The following OPRM1 variants were observed in gnomAD, a reference collection of about 807,000 sequenced individuals.
OPRM1 encodes the protein mu-type opioid receptor.
A neutral mutation model predicts 31.8 loss-of-function variants in OPRM1; 27 were observed. That is an observed-to-expected ratio of 0.85 (90% confidence interval 0.63 to 1.17). The LOEUF is 1.17. Among genes scored for constraint, OPRM1 ranks in the 50% most tolerant of loss-of-function variants. The pLI is 0.00. For synonymous variants in OPRM1, 196 were observed against 189.9 expected (o/e 1.03, Z -0.26); for missense variants, 536 against 511.1 (o/e 1.05, Z -0.47).
rs779654564 is a variant in OPRM1 at position 154,085,888 on chromosome 6, CT to C, written c.291-3921del. ...CATCAGAACAGAATGAAAGCTTGCC[CT>C]TTTTTTTTTTTTTTTTGAGACAGTG... On this transcript the variant is annotated intron_variant, in intron 1 of 3. Coordinates refer to ENST00000330432, the MANE Select transcript of OPRM1 (RefSeq NM_000914.5). 2.8e-3 allele frequency among the ~76,000 whole-genome samples: 341 copies of C among 123,900 alleles called. 1 individual carries two copies. The highest frequency in any genetic ancestry group is 9.7e-3 in the South Asian group (39 of 4,020). 81.3% of individuals were successfully genotyped at this position (123,900 alleles called of 152,430 possible).
At chr6:154,081,499 C>A (rs914518329) in intron 1 of OPRM1, among the ~76,000 whole-genome samples, 1 of 151,662 alleles carries the variant, frequency 6.6e-6, no homozygotes, top group African/African-American at 2.4e-5. Context: ...GAGTGAGACT[C>A]CATCTCTAAA....
intron 3 of OPRM1, among the ~76,000 whole-genome samples, chr6:154,215,443 A>T (rs1355436199): frequency 1.3e-5 from 2 of 151,952 alleles, no homozygotes; most frequent in African/African-American, 4.8e-5. Flanking sequence ...GTCACTACTT[A>T]AAAAAATACA....
At chr6:154,245,835 A>G (rs1367788562) in intron 3 of OPRM1, among the ~76,000 whole-genome samples, 4 of 152,188 alleles carry the variant, frequency 2.6e-5, no homozygotes, top group Non-Finnish European at 5.9e-5. Flanking sequence ...CAACATCGTC[A>G]TTTTCAACAT....
At chr6:154,022,412 G>A (rs1778430738) in intron 1 of OPRM1, among the ~76,000 whole-genome samples, 1 of 123,046 alleles carries the variant, frequency 8.1e-6, no homozygotes, top group Non-Finnish European at 1.6e-5. Flanking sequence ...CCAGAGCAGG[G>A]GCCTGGCCTG....
At chr6:154,176,187 C>T (rs976311114) in intron 3 of OPRM1, among the ~76,000 whole-genome samples, 1 of 152,116 alleles carries the variant, frequency 6.6e-6, no homozygotes, top group African/African-American at 2.4e-5. Context: ...ATAATAAGAG[C>T]TATTTATGAC....
chr6:154,102,642 A>G lies in OPRM1; in HGVS notation c.1164+11170A>G, dbSNP rs528398264. The stretch of plus-strand genomic sequence containing the variant: ...TCTCAACACACTAAATGCCAGTAGC[A>G]CCCACCCATCTCCCACTGTGATGCC... On this transcript the variant is annotated intron_variant, in intron 3 of 3. Coordinates refer to ENST00000330432, the MANE Select transcript of OPRM1 (RefSeq NM_000914.5). 8.5e-5 allele frequency among the ~76,000 whole-genome samples: 13 copies of G among 152,246 alleles called. No individual in the cohort carries two copies. In the South Asian group the frequency reaches 2.5e-3, roughly 29 times the overall value.
chr6:154,025,526 T>C (rs1778644308), intron 1 of OPRM1, among the ~76,000 whole-genome samples: 1 of 152,072 alleles, frequency 6.6e-6, no homozygotes, highest in Admixed American at 6.5e-5. Context: ...TTACATTGAA[T>C]GTTATTATTG....
chr6:154,051,201 T>C (rs1392834177), intron 1 of OPRM1, among the ~76,000 whole-genome samples: 1 of 152,146 alleles, frequency 6.6e-6, no homozygotes, highest in African/African-American at 2.4e-5. Flanking sequence ...ATATTTACAA[T>C]TAGCAAACTT....
chr6:154,111,005 CT>C (rs1796305127), intron 3 of OPRM1, among the ~76,000 whole-genome samples: 1 of 151,806 alleles, frequency 6.6e-6, no homozygotes, highest in Non-Finnish European at 1.5e-5. Flanking sequence ...ATGACCAACG[CT>C]TTCTCTTGTG....
upstream of OPRM1, among the ~76,000 whole-genome samples, chr6:154,036,845 G>A (rs745757169): frequency 1.3e-5 from 2 of 151,748 alleles, no homozygotes; most frequent in Non-Finnish European, 2.9e-5. Context: ...CAAATATTAT[G>A]CACATTAATA....
chr6:154,038,668 T>C (rs1264170038), upstream of OPRM1, among the ~76,000 whole-genome samples: 3 of 152,218 alleles, frequency 2.0e-5, no homozygotes, highest in East Asian at 3.8e-4. Context: ...CTTTACTGGA[T>C]GCCACAACCT....
intron 3 of OPRM1, among the ~76,000 whole-genome samples, chr6:154,146,135 C>T (rs929816538): frequency 1.3e-5 from 2 of 152,228 alleles, no homozygotes; most frequent in South Asian, 2.1e-4. Flanking sequence ...CGCAGTGGCT[C>T]ACGCCTGTAA....
At chr6:154,056,981 C>T (rs557838482) in intron 1 of OPRM1, among the ~76,000 whole-genome samples, 19 of 152,324 alleles carry the variant, frequency 1.2e-4, no homozygotes, top group African/African-American at 4.6e-4. Context: ...AAGCAGATAG[C>T]ATTAATTGAA....
chr6:154,139,226 T>C (rs1412746201), intron 3 of OPRM1, among the ~76,000 whole-genome samples: 2 of 152,228 alleles, frequency 1.3e-5, no homozygotes, highest in South Asian at 4.1e-4. Flanking sequence ...AGGTGACCCA[T>C]TGATAGGTTA....
At chr6:154,173,406 G>A (rs1328071210) in intron 3 of OPRM1, among the ~76,000 whole-genome samples, 2 of 151,990 alleles carry the variant, frequency 1.3e-5, no homozygotes, top group Non-Finnish European at 2.9e-5. Context: ...CCATTGCAAG[G>A]ATGCTAAAAA....
At position 154,198,740 on chromosome 6, in the gene OPRM1, A is replaced by G. The variant is rs185473392; in HGVS notation, c.1165-47953A>G. Among the ~76,000 whole-genome samples, 34 of 152,210 alleles carry G rather than the reference A, an allele frequency of 2.2e-4. No homozygotes were observed. The East Asian group carries it at 6.4e-3, about 29-fold the overall frequency. The stretch of plus-strand genomic sequence containing the variant: ...TAAATTAGCAGGGTACCCATCTGAA[A>G]TTTGAGAACTTAAAGAAACATTCCC... On this transcript the variant is annotated intron_variant, in intron 3 of 3. Transcript: ENST00000337049.
chr6:154,136,805 C>T (rs1798072230), downstream of OPRM1, among the ~76,000 whole-genome samples: 9 of 152,162 alleles, frequency 5.9e-5, 1 homozygote, highest in South Asian at 1.9e-3. Flanking sequence ...CAACATGTGA[C>T]TTGCAAAGGA....
intron 3 of OPRM1, among the ~76,000 whole-genome samples, chr6:154,113,542 C>T (rs1012776775): frequency 6.6e-6 from 1 of 152,162 alleles, no homozygotes; most frequent in African/African-American, 2.4e-5. Flanking sequence ...TACTTGTCAC[C>T]TGGACAGCCC....
At chr6:154,183,358 CATGACCTAA>C (rs1801067440) in intron 3 of OPRM1, among the ~76,000 whole-genome samples, 2 of 152,204 alleles carry the variant, frequency 1.3e-5, no homozygotes, top group Non-Finnish European at 2.9e-5. Flanking sequence ...ACTTGCATAA[CATGACCTAA>C]ATAGGTAGAT....
Sources: gnomAD v4.1 joint callset for allele counts (sites outside exome capture counted in the v4.1 genomes callset) on GRCh38, gnomAD v4.1.1 for gene constraint, MANE v1.5 for transcripts, NCBI Gene and HGNC (gene_info 2026-07-23, HGNC 2026-07-21) for gene names.